Variants in GPHN observed in about 807,000 individuals in gnomAD.
GPHN encodes gephyrin.
Under a neutral mutation model 95.5 loss-of-function variants are expected in GPHN, and 17 were observed. The observed-to-expected ratio is 0.18, with a 90% CI of 0.12 to 0.27. GPHN has a LOEUF of 0.27. Ranked by LOEUF, GPHN falls within the 10% of genes least tolerant of loss-of-function variation. The pLI is 1.00. For missense variants in GPHN, 660 were observed against 978.1 expected, an observed-to-expected ratio of 0.67 and a Z score of 4.34; for synonymous variants, 320 against 322.5, an observed-to-expected ratio of 0.99 and a Z score of 0.08.
At position 66,519,014 on chromosome 14, in the gene GPHN, C is replaced by G. The variant is rs138018801; in HGVS notation, c.64+10423C>G. On this transcript the variant is annotated intron_variant, in intron 1 of 22. Coordinates refer to ENST00000478722, the MANE Select transcript of GPHN (RefSeq NM_020806.5). ...TCAACACAAAGAAATGATAAATGTT[C>G]AAGATGATGGATATATTAATTATCT... 6.5e-3 allele frequency among the ~76,000 whole-genome samples: 991 copies of G among 151,860 alleles called. 8 individuals carry two copies. Among genetic ancestry groups the G allele is most frequent in the African/African-American group, 0.023 (945 of 41,452 alleles).
chr14:66,793,276 T>G (rs2060039431), intron 3 of GPHN, among the ~76,000 whole-genome samples: 2 of 152,228 alleles, frequency 1.3e-5, no homozygotes, highest in Admixed American at 6.5e-5. Flanking sequence ...TAAAAAACAA[T>G]ACATGTATAA....
the GPHN span, among the ~76,000 whole-genome samples, chr14:67,536,421 G>A: frequency 3.3e-5 from 5 of 151,840 alleles, no homozygotes; most frequent in Admixed American, 2.6e-4. Context: ...TCACTAGCAA[G>A]TGGAAGTCAT....
intron 1 of GPHN, among the ~76,000 whole-genome samples, chr14:66,593,413 TG>T (rs1437579248): frequency 2.6e-5 from 4 of 152,084 alleles, no homozygotes; most frequent in African/African-American, 9.7e-5. Context: ...CTTACAATTA[TG>T]GCAGAAGGGG....
At chr14:67,104,748 A>T (rs1424009525) in intron 13 of GPHN, among the ~76,000 whole-genome samples, 1 of 151,930 alleles carries the variant, frequency 6.6e-6, no homozygotes, top group Non-Finnish European at 1.5e-5. Flanking sequence ...TTTTTTTATT[A>T]GTCTAGCTAA....
the GPHN span, chr14:67,647,451 T>C: frequency 1.2e-5 from 2 of 160,212 alleles, no homozygotes; most frequent in African/African-American, 2.4e-5. Flanking sequence ...TCTTTACTTC[T>C]GGGTGATTAA....
intron 4 of GPHN, among the ~76,000 whole-genome samples, chr14:66,862,267 C>G (rs1017814953): frequency 2.0e-5 from 3 of 151,892 alleles, no homozygotes; most frequent in Admixed American, 1.3e-4. Flanking sequence ...TAGACAGATA[C>G]AACCTATCAA....
At chr14:66,909,803 G>A (rs2065578574) in intron 5 of GPHN, among the ~76,000 whole-genome samples, 1 of 151,808 alleles carries the variant, frequency 6.6e-6, no homozygotes, top group Non-Finnish European at 1.5e-5. Flanking sequence ...CATTGAAAAG[G>A]ACAAGTAATC....
chr14:66,848,180 T>C (rs1303580017), intron 4 of GPHN, among the ~76,000 whole-genome samples: 1 of 152,082 alleles, frequency 6.6e-6, no homozygotes, highest in East Asian at 1.9e-4. Flanking sequence ...GTTTTTTACT[T>C]ATATCAGCAA....
chr14:67,530,024 G>A, the GPHN span, among the ~76,000 whole-genome samples: 9 of 152,068 alleles, frequency 5.9e-5, no homozygotes, highest in African/African-American at 2.2e-4. Flanking sequence ...TGGGAAGCAG[G>A]GTTTCTAGAA....
intron 4 of GPHN, among the ~76,000 whole-genome samples, chr14:66,872,905 A>G (rs954301530): frequency 6.6e-6 from 1 of 151,880 alleles, no homozygotes; most frequent in Non-Finnish European, 1.5e-5. Flanking sequence ...AAAAAAAAAA[A>G]AGGGTGCCCT....
At chr14:66,733,113 G>A (rs918043818) in intron 2 of GPHN, among the ~76,000 whole-genome samples, 2 of 152,090 alleles carry the variant, frequency 1.3e-5, no homozygotes, top group Non-Finnish European at 2.9e-5. Flanking sequence ...GATCATGGGG[G>A]CAGTTTTCCT....
In GPHN at chr14:66,685,569, A is replaced by C. The variant is rs139383320; in HGVS notation, c.143+4384A>C. 5.5e-3 allele frequency among the ~76,000 whole-genome samples: 835 copies of C among 152,272 alleles called. 3 individuals are homozygous for C. The highest frequency in any genetic ancestry group is 0.019 in the African/African-American group (797 of 41,532). On this transcript the variant is annotated intron_variant, in intron 2 of 22. Coordinates refer to ENST00000478722, the MANE Select transcript of GPHN (RefSeq NM_020806.5). The stretch of plus-strand genomic sequence containing the variant: ...GTCTTCTTCTGAGAAGTGTCTGTTC[A>C]TATCCTTCACCCACTTTTTGATGGG...
intron 5 of GPHN, among the ~76,000 whole-genome samples, chr14:66,903,911 G>C (rs1397022427): frequency 6.6e-6 from 1 of 152,098 alleles, no homozygotes; most frequent in Non-Finnish European, 1.5e-5. Flanking sequence ...AATGGGAACA[G>C]AAACTGAAAA....
At chr14:66,610,670 A>G (rs1236040785) in intron 1 of GPHN, among the ~76,000 whole-genome samples, 3 of 152,126 alleles carry the variant, frequency 2.0e-5, no homozygotes, top group Non-Finnish European at 4.4e-5. Flanking sequence ...TACATTAAGG[A>G]AGACTTTATT....
At chr14:67,148,558 CTTTTTTT>C (rs368140123) in intron 18 of GPHN, among the ~76,000 whole-genome samples, 6 of 109,058 alleles carry the variant, frequency 5.5e-5, no homozygotes, top group African/African-American at 2.3e-4. Flanking sequence ...ACTTTATTTG[CTTTTTTT>C]TTTTTTTTTT....
the GPHN span, among the ~76,000 whole-genome samples, chr14:67,665,969 T>A: frequency 6.6e-6 from 1 of 152,300 alleles, no homozygotes; most frequent in South Asian, 2.1e-4. Flanking sequence ...GGGGATGTGT[T>A]CTTAGCTACC....
the GPHN span, chr14:67,648,416 G>C: frequency 2.7e-6 from 1 of 370,828 alleles, no homozygotes; most frequent in Non-Finnish European, 4.8e-6. Flanking sequence ...GTAAAAAATT[G>C]TATATTTAAA....
chr14:66,666,826 A>T (rs531520229), intron 1 of GPHN, among the ~76,000 whole-genome samples: 1 of 152,182 alleles, frequency 6.6e-6, no homozygotes, highest in Admixed American at 6.5e-5. Flanking sequence ...CATTCAAATA[A>T]GAAGAGAGGA....
the GPHN span, chr14:67,473,254 C>A: frequency 1.1e-6 from 1 of 907,138 alleles, no homozygotes. This position sits in a 1 kb window ranked among gnomAD's most constrained non-coding sequence, Gnocchi z 6.5. Flanking sequence ...TGACCACGGC[C>A]CCCCAACACC....
Sources: gnomAD v4.1 joint callset for allele counts (sites outside exome capture counted in the v4.1 genomes callset) on GRCh38, gnomAD v4.1.1 for gene constraint, Gnocchi (gnomAD v3.1) non-coding constraint, MANE v1.5 for transcripts, NCBI Gene and HGNC (gene_info 2026-07-23, HGNC 2026-07-21) for gene names.